PATE3: variants seen among roughly 807,000 people sequenced by gnomAD.
PATE3 encodes prostate and testis expressed 3.
A neutral mutation model predicts 7.4 loss-of-function variants in PATE3; 7 were observed. The ratio of observed to expected loss-of-function variants is 0.95; its 90% CI spans 0.54 to 1.78. PATE3 has a LOEUF of 1.78. Among genes scored for constraint, PATE3 ranks in the 40% most tolerant of loss-of-function variants. The pLI is 0.00. For missense variants in PATE3, 117 were observed against 122.5 expected, an observed-to-expected ratio of 0.96 and a Z score of 0.21; for synonymous variants, 38 against 40.2, an observed-to-expected ratio of 0.94 and a Z score of 0.21.
intron 1 of PATE3, 99 bp from the exon 2 acceptor site, chr11:125,789,287 C>T (rs1565424074): frequency 3.9e-6 from 5 of 1,270,260 alleles, no homozygotes; most frequent in Non-Finnish European, 5.4e-6. Flanking sequence ...TCTGCCTGCC[C>T]CCTCCACTAT....
chr11:125,789,730 T>G (rs1324774614), intron 2 of PATE3, among the ~76,000 whole-genome samples: 3 of 152,222 alleles, frequency 2.0e-5, no homozygotes, highest in Non-Finnish European at 4.4e-5. Context: ...AAACAGATTT[T>G]TTTTTGATAA....
At position 125,788,694 on chromosome 11, in the gene PATE3, G is replaced by A. The variant is rs79106176; in HGVS notation, c.49+494G>A. Reference sequence around the variant, plus strand: ...GATTTTTTTCATGGTTTGTAGTCACGGTCTCAAAATCTCTGTACCTTTGGT... The same window carrying A: ...GATTTTTTTCATGGTTTGTAGTCACAGTCTCAAAATCTCTGTACCTTTGGT... On this transcript the variant is annotated intron_variant, in intron 1 of 2. Coordinates refer to ENST00000445202, the MANE Select transcript of PATE3 (RefSeq NM_001129883.4). 1.2e-3 allele frequency among the ~76,000 whole-genome samples: 178 copies of A among 152,098 alleles called. 7 individuals are homozygous for A. The East Asian group carries it at 0.032, about 27-fold the overall frequency.
chr11:125,789,313 A>T, intron 1 of PATE3, 73 bp from the exon 2 acceptor site: 1 of 1,432,190 alleles, frequency 7.0e-7, no homozygotes. Flanking sequence ...CCCCACCTCC[A>T]TCTGAATATT....
At chr11:125,790,339 C>A in intron 2 of PATE3, 139 bp from the exon 3 acceptor site, 1 of 809,072 alleles carries the variant, frequency 1.2e-6, no homozygotes, top group South Asian at 2.1e-5. Context: ...TGCCTGGGTG[C>A]TTTTAGGGAG....
At chr11:125,789,247 C>T (rs1005225213) in intron 1 of PATE3, 139 bp from the exon 2 acceptor site, 8 of 780,000 alleles carry the variant, frequency 1.0e-5, no homozygotes, top group South Asian at 7.0e-5. Flanking sequence ...AACTGTTTAC[C>T]GCCTAAATAC....
Position 125,789,510 on chromosome 11 carries a change from T to A in PATE3, c.172+2T>A. ...GCATGCTCTTAAGGATTTACCAGCG[T>A]AAGTTAGAGGGTCAGGGAAGGTGTT... is the stretch of plus-strand genomic sequence containing the variant. On this transcript the variant is annotated splice_donor_variant, in intron 2 of 2. Coordinates refer to ENST00000445202, the MANE Select transcript of PATE3 (RefSeq NM_001129883.4). LOFTEE classifies it high-confidence loss of function. The A allele has an allele frequency of 6.5e-7, 1 of 1,550,356 alleles. No individual in the cohort carries two copies. The highest frequency in any genetic ancestry group is 8.7e-7 in the Non-Finnish European group (1 of 1,146,008).
rs1400252174 is a variant in PATE3 at position 125,790,832 on chromosome 11, T to C, written c.*230T>C. 4.0e-5 allele frequency: 16 copies of C among 402,886 alleles called. No homozygotes were observed. Among genetic ancestry groups the C allele is most frequent in the Non-Finnish European group, 6.6e-5 (15 of 228,788 alleles). 25.0% of individuals were successfully genotyped at this position (402,886 alleles called of 1,614,324 possible). Reference sequence around the variant, plus strand: ...TGGATTTCTTCTATTATTGGGATTATTGGCATGGCCATATTCCAAGAAACC... The same window carrying C: ...TGGATTTCTTCTATTATTGGGATTACTGGCATGGCCATATTCCAAGAAACC... On this transcript the variant is annotated 3_prime_UTR_variant, in exon 3 of 3. Coordinates refer to ENST00000445202, the MANE Select transcript of PATE3 (RefSeq NM_001129883.4).
chr11:125,789,713 A>T (rs1943593579), intron 2 of PATE3, among the ~76,000 whole-genome samples: 1 of 152,204 alleles, frequency 6.6e-6, no homozygotes, highest in Admixed American at 6.5e-5. Flanking sequence ...TTCCAAGAAA[A>T]CTGACCAAAC....
intron 1 of PATE3, among the ~76,000 whole-genome samples, chr11:125,788,736 G>T (rs1943585834): frequency 6.6e-6 from 1 of 152,106 alleles, no homozygotes; most frequent in Non-Finnish European, 1.5e-5. Flanking sequence ...TTCAAGAAAT[G>T]GGGACAATGG....
Position 125,789,458 on chromosome 11 carries a change from T to G in PATE3, c.122T>G (p.Val41Gly). The stretch of plus-strand genomic sequence containing the variant: ...GACCGCTGTAGAAGAGGCTTTGGTG[T>G]CTGTACTGCTCAGAAGGGCGAGGCA... ...RTDRCRRGFGVCTAQKGEACM... is the reference protein window; with the variant it reads ...RTDRCRRGFGGCTAQKGEACM... The change falls in exon 2 of 3, where the codon GTC becomes GGC. Residue 41 changes from valine to glycine, a missense_variant. Physicochemically the swap from Val to Gly is moderately radical, Grantham distance 109 (BLOSUM62 -3). Coordinates refer to ENST00000445202, the MANE Select transcript of PATE3 (RefSeq NM_001129883.4). 6.4e-7 allele frequency: 1 copy of G among 1,551,714 alleles called. No individual in the cohort carries two copies. Among genetic ancestry groups the G allele is most frequent in the Non-Finnish European group, 8.7e-7 (1 of 1,146,976 alleles).
chr11:125,789,297 T>G (rs975179467), intron 1 of PATE3, 89 bp from the exon 2 acceptor site: 2 of 1,373,768 alleles, frequency 1.5e-6, no homozygotes, highest in Non-Finnish European at 2.0e-6. Flanking sequence ...CCCTCCACTA[T>G]TCATTCCCCA....
rs1271246828 is a variant in PATE3 at position 125,788,293 on chromosome 11, G to A, written c.49+93G>A. ...GTAGCATGCATCCATGCAGGGCTGA[G>A]CTTTGGCCACTTTTATGAGCCAGGG... On this transcript the variant is annotated intron_variant, in intron 1 of 2. Coordinates refer to ENST00000445202, the MANE Select transcript of PATE3 (RefSeq NM_001129883.4). 4.1e-6 allele frequency: 5 copies of A among 1,218,880 alleles called. No individual in the cohort carries two copies. The East Asian group carries it at 1.1e-4, about 26-fold the overall frequency. 75.5% of individuals were successfully genotyped at this position (1,218,880 alleles called of 1,614,324 possible).
intron 2 of PATE3, 146 bp from the exon 3 acceptor site, chr11:125,790,332 C>A: frequency 1.4e-6 from 1 of 717,268 alleles, no homozygotes. Context: ...ATCTCCCTGC[C>A]TGGGTGCTTT....
chr11:125,790,524 A>G lies in PATE3; in HGVS notation c.219A>G (p.Arg73=). Residue 73 remains arginine (R), a synonymous_variant, in exon 3 of 3, where the codon AGA becomes AGG. Transcript: ENST00000445202. ...ACATGGTGTGTCAGAAATTCTGCAG[A>G]GACATGACATTTGATCTCAGGAATC... ...ISYMVCQKFC[R]DMTFDLRNRT... The G allele has an allele frequency of 4.5e-6, 7 of 1,551,138 alleles. No individual in the cohort carries two copies. The highest frequency in any genetic ancestry group is 6.1e-6 in the Non-Finnish European group (7 of 1,146,506).
intron 2 of PATE3, among the ~76,000 whole-genome samples, chr11:125,789,794 C>A (rs1266598392): frequency 6.6e-6 from 1 of 152,150 alleles, no homozygotes; most frequent in African/African-American, 2.4e-5. Context: ...TTCATACAAG[C>A]CTTCAATGTG....
rs527351232 is a variant in PATE3 at position 125,790,033 on chromosome 11, G to A, written c.173-445G>A. Among the ~76,000 whole-genome samples the A allele has an allele frequency of 2.0e-3, 312 of 152,206 alleles. 2 individuals are homozygous for A. Among genetic ancestry groups the A allele is most frequent in the African/African-American group, 7.3e-3 (301 of 41,510 alleles). On this transcript the variant is annotated intron_variant, in intron 2 of 2. Transcript: ENST00000445202. Reference sequence around the variant, plus strand: ...TCATTATATTAAATGAAATAAGCCAGGCCCAGAAAGACAAATATCCCATGT... The same window carrying A: ...TCATTATATTAAATGAAATAAGCCAAGCCCAGAAAGACAAATATCCCATGT...
chr11:125,789,249 C>T (rs1410463090), intron 1 of PATE3, 137 bp from the exon 2 acceptor site: 1 of 829,552 alleles, frequency 1.2e-6, no homozygotes, highest in Admixed American at 2.9e-5. Flanking sequence ...CTGTTTACCG[C>T]CTAAATACCC....
At position 125,788,208 on chromosome 11, in the gene PATE3, C is replaced by T. The variant is rs950206400; in HGVS notation, c.49+8C>T. On this transcript the variant is annotated splice_region_variant and intron_variant, in intron 1 of 2. Transcript: ENST00000445202. Reference sequence around the variant, plus strand: ...TTTACTGCCTCATTGTGGGTGAGTCCTGGACCTGAGGGGTATACTTGAGAG... The same window carrying T: ...TTTACTGCCTCATTGTGGGTGAGTCTTGGACCTGAGGGGTATACTTGAGAG... The T allele has an allele frequency of 6.5e-7, 1 of 1,550,212 alleles. No homozygotes were observed. The highest frequency in any genetic ancestry group is 8.7e-7 in the Non-Finnish European group (1 of 1,145,766).
At position 125,791,257 on chromosome 11, in the gene PATE3, T is replaced by C. The variant is rs988671478; in HGVS notation, c.*655T>C. ...ATGTACATTCAAGGTACATCAGAAC[T>C]CTCATTTCTTCCCCTTCCTTTCCTA... On this transcript the variant is annotated 3_prime_UTR_variant, in exon 3 of 3. Transcript: ENST00000445202. The C allele has an allele frequency of 6.6e-6, 1 of 152,290 alleles. No homozygotes were observed. Among genetic ancestry groups the C allele is most frequent in the African/African-American group, 2.4e-5 (1 of 41,534 alleles). 9.4% of individuals were successfully genotyped at this position (152,290 alleles called of 1,614,324 possible).
Sources: gnomAD v4.1 joint callset for allele counts (sites outside exome capture counted in the v4.1 genomes callset) on GRCh38, gnomAD v4.1.1 for gene constraint, MANE v1.5 for transcripts, NCBI Gene and HGNC (gene_info 2026-07-23, HGNC 2026-07-21) for gene names.